The following CDH13 variants were observed in gnomAD, a reference collection of about 807,000 sequenced individuals.
CDH13 encodes cadherin-13.
CDH13 carries 24 observed loss-of-function variants against 63.8 expected under a neutral mutation model. The observed-to-expected ratio is 0.38, with a 90% CI of 0.27 to 0.53. The LOEUF (loss-of-function observed/expected upper bound fraction) is 0.53. CDH13 is among the 20% of genes least tolerant of loss of function. CDH13 has a pLI of 0.85. For synonymous variants in CDH13, 503 were observed against 355.3 expected (o/e 1.42, Z -4.67); for missense variants, 1,049 against 903.1 (o/e 1.16, Z -2.07).
chr16:83,724,377 A>T (rs1910113244), intron 10 of CDH13, among the ~76,000 whole-genome samples: 1 of 149,836 alleles, frequency 6.7e-6, no homozygotes, highest in Non-Finnish European at 1.5e-5. Context: ...GGATGAATGC[A>T]TGGGTGGGTG....
intron 3 of CDH13, among the ~76,000 whole-genome samples, chr16:83,085,196 C>T (rs778360535): frequency 1.3e-5 from 2 of 152,066 alleles, no homozygotes; most frequent in African/African-American, 2.4e-5. Flanking sequence ...AAAGGCACTT[C>T]TTTCTTGGTG....
chr16:83,791,538 T>C (rs2151020738), intron 13 of CDH13, among the ~76,000 whole-genome samples: 1 of 151,028 alleles, frequency 6.6e-6, no homozygotes, highest in East Asian at 2.0e-4. Context: ...CCTGGCTGGG[T>C]GGGGTGGCTC....
At chr16:83,613,832 C>G (rs1051763463) in intron 8 of CDH13, among the ~76,000 whole-genome samples, 5 of 141,188 alleles carry the variant, frequency 3.5e-5, no homozygotes, top group African/African-American at 1.4e-4. Flanking sequence ...GAGTCTGCCT[C>G]AAAAAAAATT....
chr16:83,244,755 G>A (rs1190198036), intron 5 of CDH13, among the ~76,000 whole-genome samples: 1 of 152,138 alleles, frequency 6.6e-6, no homozygotes, highest in African/African-American at 2.4e-5. Context: ...CTTTCAAGCG[G>A]AGTCACACGG....
intron 7 of CDH13, among the ~76,000 whole-genome samples, chr16:83,505,404 C>G (rs939351315): frequency 1.7e-4 from 26 of 152,142 alleles, no homozygotes; most frequent in African/African-American, 6.3e-4. Flanking sequence ...CCCCCAGGAC[C>G]CTCCCAGCCA....
chr16:82,895,315 C>T (rs919979964), intron 2 of CDH13, among the ~76,000 whole-genome samples: 2 of 152,168 alleles, frequency 1.3e-5, no homozygotes, highest in African/African-American at 4.8e-5. Flanking sequence ...TCAATTGTGT[C>T]CTTCCCTGGC....
At chr16:83,184,814 G>A (rs2038462549) in intron 4 of CDH13, among the ~76,000 whole-genome samples, 1 of 151,976 alleles carries the variant, frequency 6.6e-6, no homozygotes, top group South Asian at 2.1e-4. Flanking sequence ...AATACCTGAT[G>A]CTTTCGTAGC....
intron 7 of CDH13, among the ~76,000 whole-genome samples, chr16:83,546,669 A>T (rs1459543145): frequency 1.3e-5 from 2 of 152,014 alleles, no homozygotes; most frequent in African/African-American, 4.8e-5. Context: ...GTTTGGGGAG[A>T]CCCAGTGGTG....
At chr16:83,504,056 G>C (rs2074343396) in intron 7 of CDH13, among the ~76,000 whole-genome samples, 2 of 152,102 alleles carry the variant, frequency 1.3e-5, no homozygotes. Flanking sequence ...AACCACCATG[G>C]CACATGTATA....
At chr16:83,646,814 G>A (rs563031145) in intron 8 of CDH13, among the ~76,000 whole-genome samples, 13 of 149,804 alleles carry the variant, frequency 8.7e-5, no homozygotes, top group African/African-American at 2.0e-4. Flanking sequence ...TCCAGTAACC[G>A]CAGAGCCATG....
chr16:82,963,787 C>T (rs1479804526), intron 2 of CDH13, among the ~76,000 whole-genome samples: 1 of 152,166 alleles, frequency 6.6e-6, no homozygotes, highest in African/African-American at 2.4e-5. Flanking sequence ...CCCATTTCCC[C>T]TTGGCACGGG....
chr16:83,265,727 C>CTTTTTTTTTTTTTTTTTTT lies in CDH13; in HGVS notation c.636+48238_636+48256dup, dbSNP rs71272416. Among the ~76,000 whole-genome samples the CTTTTTTTTTTTTTTTTTTT allele has an allele frequency of 1.9e-4, 8 of 42,572 alleles. 1 individual carries two copies. Among genetic ancestry groups the CTTTTTTTTTTTTTTTTTTT allele is most frequent in the East Asian group, 5.1e-4 (1 of 1,976 alleles). 27.9% of individuals were successfully genotyped at this position (42,572 alleles called of 152,430 possible). A position where few individuals can be genotyped will look rare whatever the true frequency, so the allele number is the denominator to read the frequency against. ...GTTTTCTGTTGCTTCTAAATTTCTG[C>CTTTTTTTTTTTTTTTTTTT]TTTTTTTTTTTTTTTTTTTTTTTTT... On this transcript the variant is annotated intron_variant, in intron 5 of 13. Coordinates refer to ENST00000567109, the MANE Select transcript of CDH13 (RefSeq NM_001257.5).
At chr16:82,649,205 GAAAT>G (rs1054037514) in intron 1 of CDH13, among the ~76,000 whole-genome samples, 1 of 152,118 alleles carries the variant, frequency 6.6e-6, no homozygotes, top group African/African-American at 2.4e-5. Flanking sequence ...GAAGATTAGA[GAAAT>G]AAAGCCACTT....
chr16:83,771,493 G>C (rs1030034824), intron 11 of CDH13, among the ~76,000 whole-genome samples: 1 of 152,222 alleles, frequency 6.6e-6, no homozygotes, highest in African/African-American at 2.4e-5. Context: ...AGCAGAGGTT[G>C]AATGCCAGGA....
chr16:83,023,840 G>A (rs1915566083), intron 2 of CDH13, among the ~76,000 whole-genome samples: 1 of 152,282 alleles, frequency 6.6e-6, no homozygotes, highest in Admixed American at 6.5e-5. Context: ...TGGTGAGAAT[G>A]TAGAGTCTGT....
intron 8 of CDH13, among the ~76,000 whole-genome samples, chr16:83,666,074 C>T (rs1227140583): frequency 6.6e-6 from 1 of 152,182 alleles, no homozygotes; most frequent in East Asian, 1.9e-4. Context: ...TGATTTGCCA[C>T]ACAGTTTAAC....
chr16:83,724,704 C>T (rs978067546), intron 10 of CDH13, among the ~76,000 whole-genome samples: 14 of 152,182 alleles, frequency 9.2e-5, no homozygotes, highest in African/African-American at 3.1e-4. Flanking sequence ...CTCCTAGACA[C>T]CTGTATCCTT....
rs149979803 is a variant in CDH13 at position 83,366,447 on chromosome 16, G to C, written c.781+21441G>C. On this transcript the variant is annotated intron_variant, in intron 6 of 13. Coordinates refer to ENST00000567109, the MANE Select transcript of CDH13 (RefSeq NM_001257.5). ...TACGTGCGAGTCCCCAGCCCACTCA[G>C]CTTTCAGAAGTCACATCGCTGCTTG... Among the ~76,000 whole-genome samples the C allele has an allele frequency of 7.2e-4, 110 of 152,282 alleles. 3 individuals are homozygous for C. The East Asian group carries it at 0.018, about 25-fold the overall frequency.
chr16:82,670,490 T>G (rs1435051931), intron 1 of CDH13, among the ~76,000 whole-genome samples: 1 of 152,066 alleles, frequency 6.6e-6, no homozygotes, highest in Non-Finnish European at 1.5e-5. Context: ...TAGAAGGAAG[T>G]GTGGGTTTAT....
Sources: gnomAD v4.1 joint callset for allele counts (sites outside exome capture counted in the v4.1 genomes callset) on GRCh38, gnomAD v4.1.1 for gene constraint, MANE v1.5 for transcripts, NCBI Gene and HGNC (gene_info 2026-07-23, HGNC 2026-07-21) for gene names.